DHX15: variants seen among roughly 807,000 people sequenced by gnomAD.
DHX15 encodes the protein DEAH-box helicase 15.
A neutral mutation model predicts 94.4 loss-of-function variants in DHX15; 11 were observed. The ratio of observed to expected loss-of-function variants is 0.12; its 90% CI spans 0.07 to 0.19. The LOEUF (loss-of-function observed/expected upper bound fraction) is 0.19. Ranked by LOEUF, DHX15 falls within the 10% of genes least tolerant of loss-of-function variation. The pLI, the probability that DHX15 is intolerant of heterozygous loss-of-function variation, is 1.00. For missense variants in DHX15, 304 were observed against 988.5 expected (o/e 0.31, Z 9.29); for synonymous variants, 338 against 329.9 (o/e 1.02, Z -0.27).
At chr4:24,555,029 A>G (rs1721697529) in intron 4 of DHX15, 86 bp from the exon 5 acceptor site, 7 of 960,818 alleles carry the variant, frequency 7.3e-6, no homozygotes, top group South Asian at 1.8e-5. Context: ...TATTCTACAT[A>G]TATCAGCTAT....
chr4:24,574,736 G>A (rs1280488965), intron 2 of DHX15, among the ~76,000 whole-genome samples: 1 of 152,110 alleles, frequency 6.6e-6, no homozygotes, highest in East Asian at 1.9e-4. Context: ...ATATCTTCCT[G>A]CAGGGTTATA....
At chr4:24,544,877 C>G (rs1721389379) in intron 6 of DHX15, among the ~76,000 whole-genome samples, 1 of 152,012 alleles carries the variant, frequency 6.6e-6, no homozygotes, top group Admixed American at 6.6e-5. Flanking sequence ...CTTAAAAAGG[C>G]CAAGGAGGAT....
chr4:24,571,066 A>G (rs1002340498), intron 2 of DHX15, among the ~76,000 whole-genome samples: 1 of 152,222 alleles, frequency 6.6e-6, no homozygotes, highest in African/African-American at 2.4e-5. Flanking sequence ...TTGGGTAGAC[A>G]CAATCAGGAA....
Position 24,570,643 on chromosome 4 carries a change from A to G in DHX15, c.701+11T>C. The G allele has an allele frequency of 1.2e-6, 2 of 1,612,998 alleles. No homozygotes were observed. Among genetic ancestry groups the G allele is most frequent in the Non-Finnish European group, 1.7e-6 (2 of 1,178,972 alleles). On this transcript the variant is annotated intron_variant, in intron 3 of 13. Transcript: ENST00000336812. ...GAGGACTAAAAGCGTCATTAAAGAT[A>G]TAGTACTTACTTAAGAATGGTTTTT...
At chr4:24,569,581 G>C (rs1175442780) in intron 3 of DHX15, among the ~76,000 whole-genome samples, 1 of 97,852 alleles carries the variant, frequency 1.0e-5, no homozygotes, top group Non-Finnish European at 1.8e-5. Context: ...AACAGAGTGA[G>C]ACTCCATCTC....
Position 24,527,908 on chromosome 4 carries a change from G to C in DHX15, c.*16C>G. 1 of 1,572,988 alleles carries C rather than the reference G, an allele frequency of 6.4e-7. No homozygotes were observed. The stretch of plus-strand genomic sequence containing the variant: ...TAAAGCTGTCCTCTCAATAACTTCA[G>C]TTCTAAGCACTGAATTCAGTACTGT... On this transcript the variant is annotated 3_prime_UTR_variant, in exon 14 of 14. Coordinates refer to ENST00000336812, the MANE Select transcript of DHX15 (RefSeq NM_001358.3).
At chr4:24,571,846 G>A (rs997392985) in intron 2 of DHX15, among the ~76,000 whole-genome samples, 2 of 152,190 alleles carry the variant, frequency 1.3e-5, no homozygotes, top group African/African-American at 4.8e-5. Context: ...ATCTGAAAGG[G>A]AGGGTAATTA....
intron 5 of DHX15, among the ~76,000 whole-genome samples, chr4:24,550,366 A>C (rs1035397035): frequency 6.6e-6 from 1 of 152,114 alleles, no homozygotes; most frequent in African/African-American, 2.4e-5. Flanking sequence ...CAACTTTTTA[A>C]CTTTATAAAC....
chr4:24,542,187 G>A (rs1188152422), intron 7 of DHX15, among the ~76,000 whole-genome samples, 165 bp from the exon 8 acceptor site: 1 of 152,112 alleles, frequency 6.6e-6, no homozygotes, highest in African/African-American at 2.4e-5. Context: ...GAACCTTAAA[G>A]TTCTTTCAGA....
intron 11 of DHX15, among the ~76,000 whole-genome samples, chr4:24,534,680 G>A (rs929698212): frequency 6.6e-6 from 1 of 152,078 alleles, no homozygotes; most frequent in Non-Finnish European, 1.5e-5. Context: ...CTTGAATCTA[G>A]TTTTCGATTT....
chr4:24,578,997 T>C (rs6833899), intron 1 of DHX15, among the ~76,000 whole-genome samples: 35,268 of 152,162 alleles, frequency 0.23, 5,164 homozygotes, highest in Non-Finnish European at 0.33. Context: ...AAGTAATACC[T>C]ATACTAACAA....
At chr4:24,574,558 C>T (rs1722200515) in intron 2 of DHX15, among the ~76,000 whole-genome samples, 1 of 152,086 alleles carries the variant, frequency 6.6e-6, no homozygotes, top group African/African-American at 2.4e-5. Flanking sequence ...AATCAGACCA[C>T]AGAATAGCAG....
intron 3 of DHX15, among the ~76,000 whole-genome samples, chr4:24,569,402 C>A (rs1421429181): frequency 6.6e-6 from 1 of 151,846 alleles, no homozygotes; most frequent in Non-Finnish European, 1.5e-5. Context: ...ACCAGCCTGG[C>A]CAACATAGTG....
intron 12 of DHX15, chr4:24,530,012 G>T: frequency 1.9e-6 from 1 of 539,888 alleles, no homozygotes; most frequent in South Asian, 2.5e-5. Flanking sequence ...TAATTAGAAA[G>T]AAAAAATATC....
At chr4:24,579,022 G>GCC (rs1288042450) in intron 1 of DHX15, among the ~76,000 whole-genome samples, 1 of 152,036 alleles carries the variant, frequency 6.6e-6, no homozygotes, top group East Asian at 1.9e-4. Flanking sequence ...TTTTTCAGGG[G>GCC]CCCACTTCAT....
chr4:24,580,955 G>A (rs1722398876), intron 1 of DHX15: 1 of 151,992 alleles, frequency 6.6e-6, no homozygotes, highest in South Asian at 2.1e-4. Flanking sequence ...AAATATCAAT[G>A]AACAGGATAT....
chr4:24,557,818 C>T (rs1015075558), intron 3 of DHX15, among the ~76,000 whole-genome samples: 4 of 152,080 alleles, frequency 2.6e-5, no homozygotes, highest in African/African-American at 9.7e-5. Flanking sequence ...TTTCTTTGAT[C>T]TGAGGACGTT....
At chr4:24,543,700 G>A (rs966997948) in intron 6 of DHX15, among the ~76,000 whole-genome samples, 1 of 152,080 alleles carries the variant, frequency 6.6e-6, no homozygotes, top group Non-Finnish European at 1.5e-5. Context: ...TTTGGTATAC[G>A]TGCATGTTTT....
intron 10 of DHX15, among the ~76,000 whole-genome samples, chr4:24,539,304 A>T (rs1239162615): frequency 6.6e-6 from 1 of 152,188 alleles, no homozygotes; most frequent in African/African-American, 2.4e-5. Flanking sequence ...TCCCGTGCTA[A>T]AACTAGTAGC....
Sources: allele counts gnomAD v4.1 joint callset (sites outside exome capture counted in the v4.1 genomes callset), GRCh38; gene constraint gnomAD v4.1.1; transcripts MANE v1.5; gene names NCBI Gene and HGNC (gene_info 2026-07-23, HGNC 2026-07-21).